The following FHIP1B variants were observed in gnomAD, a reference collection of about 807,000 sequenced individuals.
FHIP1B encodes FHF complex subunit HOOK interacting protein 1B.
Under a neutral mutation model 82.2 loss-of-function variants are expected in FHIP1B, and 28 were observed. The ratio of observed to expected loss-of-function variants is 0.34; its 90% CI spans 0.25 to 0.47. The LOEUF (loss-of-function observed/expected upper bound fraction) is 0.47, where lower values mean the gene tolerates loss of function less well. Among genes scored for constraint, FHIP1B ranks in the 20% least tolerant of loss-of-function variants. The probability of loss-of-function intolerance (pLI) is 1.00; values close to 1 mark genes in which losing one functional copy is unlikely to be tolerated. For missense variants in FHIP1B, 1,110 were observed against 1,262.6 expected, an observed-to-expected ratio of 0.88 and a Z score of 1.83; for synonymous variants, 585 against 516.1, an observed-to-expected ratio of 1.13 and a Z score of -1.81.
At chr11:6,230,053 C>T (rs1163659781) in intron 1 of FHIP1B, among the ~76,000 whole-genome samples, 10 of 151,494 alleles carry the variant, frequency 6.6e-5, no homozygotes, top group South Asian at 4.2e-4. Context: ...AAAAGGGGAA[C>T]GAGCTGATCT....
At chr11:6,233,835 G>A (rs139011368) in intron 1 of FHIP1B, among the ~76,000 whole-genome samples, 31 of 152,310 alleles carry the variant, frequency 2.0e-4, no homozygotes, top group Non-Finnish European at 4.0e-4. Flanking sequence ...CCCTTCATGA[G>A]AGGGCCCATC....
At chr11:6,233,993 G>A (rs1328518744) in intron 1 of FHIP1B, among the ~76,000 whole-genome samples, 1 of 152,152 alleles carries the variant, frequency 6.6e-6, no homozygotes, top group Non-Finnish European at 1.5e-5. Context: ...AATATGGAAA[G>A]TCCATGGGAG....
In FHIP1B at chr11:6,214,591, G is replaced by T. The variant is rs774809897; in HGVS notation, c.2395-18C>A. ...CCCAGCACCTATGAAGCACACCTTCGTGACATTTCTGAGCAGCTCTAGACT... is the reference window on the plus strand; with the variant it reads ...CCCAGCACCTATGAAGCACACCTTCTTGACATTTCTGAGCAGCTCTAGACT... On this transcript the variant is annotated intron_variant, in intron 10 of 11. Coordinates refer to ENST00000449352, the MANE Select transcript of FHIP1B (RefSeq NM_001098794.2). The T allele has an allele frequency of 4.4e-6, 7 of 1,603,660 alleles. No homozygotes were observed. The highest frequency in any genetic ancestry group is 5.1e-6 in the Non-Finnish European group (6 of 1,173,786).
intron 11 of FHIP1B, 73 bp downstream of exon 11, chr11:6,214,338 T>TA (rs1847161615): frequency 1.3e-6 from 2 of 1,488,758 alleles, no homozygotes; most frequent in Non-Finnish European, 1.8e-6. Flanking sequence ...TCACTCTTAA[T>TA]AAGAGCTCAA....
At chr11:6,213,458 A>T (rs4758399) in intron 11 of FHIP1B, among the ~76,000 whole-genome samples, 1 of 152,018 alleles carries the variant, frequency 6.6e-6, no homozygotes, top group Non-Finnish European at 1.5e-5. Flanking sequence ...TATTGCTCTC[A>T]ATCCCATTAC....
intron 9 of FHIP1B, among the ~76,000 whole-genome samples, chr11:6,216,398 C>G (rs1356209212): frequency 6.6e-6 from 1 of 152,252 alleles, no homozygotes; most frequent in African/African-American, 2.4e-5. Flanking sequence ...AAAGCTACCA[C>G]TTGCTGAGTT....
chr11:6,214,329 C>A (rs922146484), intron 11 of FHIP1B, 82 bp downstream of exon 11: 2 of 1,459,778 alleles, frequency 1.4e-6, no homozygotes, highest in Non-Finnish European at 1.8e-6. Context: ...CACAACATTT[C>A]ACTCTTAATA....
At position 6,218,176 on chromosome 11, in the gene FHIP1B, A is replaced by T. The variant is rs1039332820; in HGVS notation, c.1436-26T>A. ...CTGCAAAGGGAAAAAATATAAGAGA[A>T]ATCAAGGAGACAGAGGTTCAGAAGG... On this transcript the variant is annotated intron_variant, in intron 8 of 11. Coordinates refer to ENST00000449352, the MANE Select transcript of FHIP1B (RefSeq NM_001098794.2). The T allele has an allele frequency of 1.9e-6, 3 of 1,591,504 alleles. No homozygotes were observed. In the African/African-American group the frequency reaches 4.1e-5, roughly 22 times the overall value.
rs201559383 is a variant in FHIP1B at position 6,219,065 on chromosome 11, G to C, written c.1192-15C>G. The C allele has an allele frequency of 6.9e-6, 11 of 1,584,288 alleles. No homozygotes were observed. In the African/African-American group the frequency reaches 1.3e-4, roughly 19 times the overall value. The stretch of plus-strand genomic sequence containing the variant: ...ACCATGCAGAGCTGGGGGGGTGGAG[G>C]GGAGGGAGGGAGTCACCATAAGAGC... On this transcript the variant is annotated splice_polypyrimidine_tract_variant and intron_variant, in intron 6 of 11. Transcript: ENST00000449352.
intron 9 of FHIP1B, chr11:6,216,920 G>A: frequency 1.7e-6 from 1 of 605,800 alleles, no homozygotes. Flanking sequence ...CAGGAGAGCT[G>A]ACAGAAAACC....
rs78150850 is a variant in FHIP1B, at chr11:6,230,634, G to T, written c.-192+3910C>A. On this transcript the variant is annotated intron_variant, in intron 1 of 11. Transcript: ENST00000449352. Reference sequence around the variant, plus strand: ...GGGATCTCCTCATCTGACTCCAGCGGGGTCCATCCAATTCACAAAAGTGAA... The same window carrying T: ...GGGATCTCCTCATCTGACTCCAGCGTGGTCCATCCAATTCACAAAAGTGAA... 6.0e-3 allele frequency among the ~76,000 whole-genome samples: 908 copies of T among 152,256 alleles called. 8 individuals carry two copies. The highest frequency in any genetic ancestry group is 0.021 in the African/African-American group (878 of 41,536).
At chr11:6,230,084 G>T (rs1431268986) in intron 1 of FHIP1B, among the ~76,000 whole-genome samples, 1 of 151,672 alleles carries the variant, frequency 6.6e-6, no homozygotes, top group Non-Finnish European at 1.5e-5. Flanking sequence ...AAATGGCCAA[G>T]ATCAGGCACT....
At chr11:6,212,016 A>G in intron 11 of FHIP1B, 149 bp from the exon 12 acceptor site, 1 of 1,365,480 alleles carries the variant, frequency 7.3e-7, no homozygotes, top group Non-Finnish European at 9.5e-7. Flanking sequence ...ACCAGAAATG[A>G]ACCTCAGGTA....
Position 6,224,497 on chromosome 11 carries a change from A to G in FHIP1B, c.20T>C (p.Leu7Pro), listed in dbSNP as rs1254371535. The G allele has an allele frequency of 1.2e-6, 2 of 1,613,318 alleles. No homozygotes were observed. Among genetic ancestry groups the G allele is most frequent in the Non-Finnish European group, 1.7e-6 (2 of 1,179,566 alleles). ...AGGGCCCCGGGAGGCCAGTCTGCTC[A>G]GCCAATTCATCCTCTCCATGAGGCA... Reference protein sequence around the residue: MERMNWLSRLASRGPGH... With the variant: MERMNWPSRLASRGPGH... The change falls in exon 2 of 12, where the codon CTG (leucine) becomes CCG (proline). Residue 7 changes from leucine to proline, a missense_variant. Physicochemically the swap from Leu to Pro is moderately conservative, Grantham distance 98. Coordinates refer to ENST00000449352, the MANE Select transcript of FHIP1B (RefSeq NM_001098794.2).
chr11:6,224,479 C>T lies in FHIP1B; in HGVS notation c.38G>A (p.Arg13Gln), dbSNP rs775051914. ...RMNWLSRLAS[R>Q]GPGHRIPQGA... is the part of the protein sequence containing the mutation. Reference sequence around the variant, plus strand: ...TTGAGGTATACGGTGCCCAGGGCCCCGGGAGGCCAGTCTGCTCAGCCAATT... The same window carrying T: ...TTGAGGTATACGGTGCCCAGGGCCCTGGGAGGCCAGTCTGCTCAGCCAATT... Residue 13 changes from arginine (R) to glutamine (Q), a missense_variant, in exon 2 of 12, where the codon CGG becomes CAG. Around this residue, in one of 6 missense-constraint regions of FHIP1B, gnomAD observed 467 missense variants for 602.9 expected, o/e 0.77. Coordinates refer to ENST00000449352, the MANE Select transcript of FHIP1B (RefSeq NM_001098794.2). 1.1e-5 allele frequency: 18 copies of T among 1,613,786 alleles called. No homozygotes were observed. In the Admixed American group the frequency reaches 1.7e-4, roughly 15 times the overall value.
In FHIP1B at chr11:6,228,891, A is replaced by G. The variant is rs114180922; in HGVS notation, c.-191-4184T>C. Reference sequence around the variant, plus strand: ...AATTAGGCATGGACTGGAAAAGATAAAGTCAACGGTTGAGAAAAGTGGTAA... The same window carrying G: ...AATTAGGCATGGACTGGAAAAGATAGAGTCAACGGTTGAGAAAAGTGGTAA... On this transcript the variant is annotated intron_variant, in intron 1 of 11. Coordinates refer to ENST00000449352, the MANE Select transcript of FHIP1B (RefSeq NM_001098794.2). 9.5e-4 allele frequency among the ~76,000 whole-genome samples: 145 copies of G among 152,328 alleles called. 1 individual carries two copies. The highest frequency in any genetic ancestry group is 3.4e-3 in the African/African-American group (140 of 41,562).
At chr11:6,220,459 T>C (rs940340558) in intron 6 of FHIP1B, among the ~76,000 whole-genome samples, 2 of 152,112 alleles carry the variant, frequency 1.3e-5, no homozygotes, top group Non-Finnish European at 2.9e-5. Context: ...AAGCATTAGG[T>C]TTGATAATCT....
At chr11:6,229,200 T>TG (rs1208114696) in intron 1 of FHIP1B, among the ~76,000 whole-genome samples, 1 of 152,240 alleles carries the variant, frequency 6.6e-6, no homozygotes, top group Non-Finnish European at 1.5e-5. Flanking sequence ...GTCTGAACTC[T>TG]GGAGTCCCTC....
chr11:6,228,320 AGCCTGG>A (rs1019298885), intron 1 of FHIP1B, among the ~76,000 whole-genome samples: 3 of 152,170 alleles, frequency 2.0e-5, no homozygotes, highest in African/African-American at 7.2e-5. Context: ...ATTGCACTCT[AGCCTGG>A]GCAACAAGAG....
Sources: gnomAD v4.1 joint callset for allele counts (sites outside exome capture counted in the v4.1 genomes callset) on GRCh38, gnomAD v4.1.1 for gene constraint, gnomAD v4.1.1 regional missense constraint, MANE v1.5 for transcripts, NCBI Gene and HGNC (gene_info 2026-07-23, HGNC 2026-07-21) for gene names.